Variants in SMAD2 observed in about 807,000 individuals in gnomAD.
SMAD2 encodes SMAD family member 2, also known as MAD homolog 2.
A neutral mutation model predicts 64.4 loss-of-function variants in SMAD2; 8 were observed. The ratio of observed to expected loss-of-function variants is 0.12; its 90% CI spans 0.07 to 0.22. The LOEUF is 0.22. SMAD2 is among the 10% of genes least tolerant of loss of function. SMAD2 has a pLI of 1.00. For synonymous variants in SMAD2, 203 were observed against 195.8 expected, an observed-to-expected ratio of 1.04 and a Z score of -0.31; for missense variants, 289 against 561.2, an observed-to-expected ratio of 0.51 and a Z score of 4.90.
chr18:47,915,843 A>G (rs1420832903), intron 1 of SMAD2, among the ~76,000 whole-genome samples: 1 of 152,138 alleles, frequency 6.6e-6, no homozygotes, highest in Admixed American at 6.5e-5. Flanking sequence ...GCAACTACTG[A>G]CTTCTATTAC....
chr18:47,841,012 G>T lies in SMAD2; in HGVS notation c.*815C>A, dbSNP rs935683120. On this transcript the variant is annotated 3_prime_UTR_variant, in exon 11 of 11. Transcript: ENST00000262160. The stretch of plus-strand genomic sequence containing the variant: ...TGTATCCCAGAATTAACTGGTGCCA[G>T]CAGTATCAATGCAACTATTACTGGT... 4 of 232,472 alleles carry T rather than the reference G, an allele frequency of 1.7e-5. No homozygotes were observed. The highest frequency in any genetic ancestry group is 1.3e-3 in the Middle Eastern group (1 of 782). The allele number at this position is 232,472 out of a possible 1,614,324, so 14.4% of individuals were successfully genotyped here.
rs560729239 is a variant in SMAD2, at chr18:47,839,340, T to C, written c.*2487A>G. The C allele has an allele frequency of 2.2e-3, 513 of 233,256 alleles. 3 individuals carry two copies. Among genetic ancestry groups the C allele is most frequent in the Non-Finnish European group, 2.9e-3 (339 of 118,030 alleles). 14.4% of individuals were successfully genotyped at this position (233,256 alleles called of 1,614,324 possible). Reference sequence around the variant, plus strand: ...GAGTTGTTTTCTGCCCCTACAACTGTTCCCTAACACCATTACAAGTTCTCA... The same window carrying C: ...GAGTTGTTTTCTGCCCCTACAACTGCTCCCTAACACCATTACAAGTTCTCA... On this transcript the variant is annotated 3_prime_UTR_variant, in exon 11 of 11. Transcript: ENST00000262160.
intron 6 of SMAD2, among the ~76,000 whole-genome samples, chr18:47,854,703 A>G (rs1034833869): frequency 1.3e-5 from 2 of 152,146 alleles, no homozygotes; most frequent in African/African-American, 4.8e-5. Flanking sequence ...TAATTTAAAA[A>G]AGACTTTTTT....
intron 1 of SMAD2, chr18:47,930,143 C>T (rs912808465): frequency 3.3e-5 from 5 of 152,352 alleles, no homozygotes; most frequent in Non-Finnish European, 7.3e-5. Flanking sequence ...CAGCCCCCGC[C>T]CCCGTCAGCC....
chr18:47,860,028 G>A (rs903181331), intron 6 of SMAD2, among the ~76,000 whole-genome samples: 17 of 152,086 alleles, frequency 1.1e-4, no homozygotes, highest in Admixed American at 2.0e-4. Flanking sequence ...CCAGCTTCTC[G>A]AGAGGCTAAA....
intron 1 of SMAD2, among the ~76,000 whole-genome samples, chr18:47,898,109 AAAT>A (rs1369122697): frequency 1.9e-4 from 29 of 152,310 alleles, no homozygotes; most frequent in African/African-American, 6.0e-4. Context: ...GTACAAGTTA[AAAT>A]AATAATAAGG....
chr18:47,846,602 G>A lies in SMAD2; in HGVS notation c.998-802C>T, dbSNP rs529142157. 7.2e-5 allele frequency among the ~76,000 whole-genome samples: 11 copies of A among 152,260 alleles called. No homozygotes were observed. The South Asian group carries it at 1.0e-3, about 14-fold the overall frequency. On this transcript the variant is annotated intron_variant, in intron 8 of 10. Coordinates refer to ENST00000262160, the MANE Select transcript of SMAD2 (RefSeq NM_005901.6). ...AAAGCATGAAAGGTATTCAACACAA[G>A]AGACATTCTCCATTGCTGACTTTGA...
chr18:47,851,497 C>T (rs1433399659), intron 6 of SMAD2, among the ~76,000 whole-genome samples, 170 bp from the exon 7 acceptor site: 12 of 117,468 alleles, frequency 1.0e-4, no homozygotes, highest in East Asian at 7.7e-4. Context: ...TGTGGGGGGT[C>T]GGGGGAAGAG....
At chr18:47,854,845 A>G (rs2030523170) in intron 6 of SMAD2, among the ~76,000 whole-genome samples, 1 of 152,102 alleles carries the variant, frequency 6.6e-6, no homozygotes, top group Non-Finnish European at 1.5e-5. Flanking sequence ...ATAATAATGA[A>G]CCTACACTGA....
intron 6 of SMAD2, among the ~76,000 whole-genome samples, chr18:47,854,364 A>T (rs2030457006): frequency 6.6e-6 from 1 of 152,232 alleles, no homozygotes; most frequent in Non-Finnish European, 1.5e-5. Flanking sequence ...AAATGTGTTA[A>T]ACTTTTATAA....
rs1913958943 is a variant in SMAD2, at chr18:47,841,583, C to T, written c.*244G>A. ...ACACTCAGTTTTATGCCCAATAAGA[C>T]ATCATTAAGTCTTTAAAATCTTCTC... On this transcript the variant is annotated 3_prime_UTR_variant, in exon 11 of 11. Coordinates refer to ENST00000262160, the MANE Select transcript of SMAD2 (RefSeq NM_005901.6). 2 of 537,014 alleles carry T rather than the reference C, an allele frequency of 3.7e-6. No individual in the cohort carries two copies. Among genetic ancestry groups the T allele is most frequent in the South Asian group, 4.1e-5 (2 of 48,988 alleles). The allele number at this position is 537,014 out of a possible 1,614,324, so 33.3% of individuals were successfully genotyped here. A position where few individuals can be genotyped will look rare whatever the true frequency, so the allele number is the denominator to read the frequency against.
Position 47,813,589 on chromosome 18 carries a change from G to A in SMAD2, c.*28238C>T, listed in dbSNP as rs1337761828. 2 of 151,652 alleles carry A rather than the reference G, an allele frequency of 1.3e-5. No homozygotes were observed. Among genetic ancestry groups the A allele is most frequent in the African/African-American group, 4.9e-5 (2 of 41,192 alleles). The allele number at this position is 151,652 out of a possible 1,614,324, so 9.4% of individuals were successfully genotyped here. ...ACCCGGCTAATTTTCTGCATTTTTA[G>A]TACAGATGGGGTTTCACTATGTTGG... On this transcript the variant is annotated 3_prime_UTR_variant, in exon 11 of 11. Coordinates refer to ENST00000262160, the MANE Select transcript of SMAD2 (RefSeq NM_005901.6).
Position 47,869,430 on chromosome 18 carries a change from A to G in SMAD2, c.333T>C (p.Leu111=). ...GATGGGATACCTGGAGACGACCATC[A>G]AGAGACCTGTTGGGAAGCAAGGGGA... ...LYSFSEQTRS[L]DGRLQVSHRK... The change falls in exon 4 of 11, where the codon CTT becomes CTC. Residue 111 remains leucine (L), a synonymous_variant. Transcript: ENST00000262160. 1 of 1,612,626 alleles carries G rather than the reference A, an allele frequency of 6.2e-7. No individual in the cohort carries two copies. Among genetic ancestry groups the G allele is most frequent in the South Asian group, 1.1e-5 (1 of 90,952 alleles).
At chr18:47,854,657 A>T (rs1331679613) in intron 6 of SMAD2, among the ~76,000 whole-genome samples, 1 of 151,998 alleles carries the variant, frequency 6.6e-6, no homozygotes, top group Non-Finnish European at 1.5e-5. Flanking sequence ...TTTAAAAAAA[A>T]TCTGTTATAT....
At chr18:47,905,452 T>A (rs1309848552) in intron 1 of SMAD2, among the ~76,000 whole-genome samples, 8 of 150,978 alleles carry the variant, frequency 5.3e-5, no homozygotes, top group African/African-American at 1.9e-4. Context: ...AAAATTCATA[T>A]GGAAACAAAA....
intron 7 of SMAD2, 98 bp from the exon 8 acceptor site, chr18:47,848,785 G>A: frequency 1.2e-6 from 1 of 863,014 alleles, no homozygotes; most frequent in Non-Finnish European, 1.8e-6. Flanking sequence ...CATGCTCTAT[G>A]CCAGCCTGCA....
chr18:47,910,261 G>C (rs922635758), intron 1 of SMAD2, among the ~76,000 whole-genome samples: 1 of 151,974 alleles, frequency 6.6e-6, no homozygotes, highest in African/African-American at 2.4e-5. Context: ...ACACATCAGA[G>C]GAATTAACAG....
In SMAD2 at chr18:47,859,033, G is replaced by A. The variant is rs187346940; in HGVS notation, c.730+6026C>T. Among the ~76,000 whole-genome samples the A allele has an allele frequency of 2.7e-3, 416 of 152,130 alleles. 3 individuals are homozygous for A. The highest frequency in any genetic ancestry group is 9.6e-3 in the African/African-American group (398 of 41,526). On this transcript the variant is annotated intron_variant, in intron 6 of 10. Transcript: ENST00000262160. ...AACACACCATAAATATAAAGATTCG[G>A]ATAGACTGAAACAATTAAAAATATA...
At chr18:47,877,395 T>C (rs2032326903) in intron 2 of SMAD2, among the ~76,000 whole-genome samples, 1 of 152,146 alleles carries the variant, frequency 6.6e-6, no homozygotes, top group Non-Finnish European at 1.5e-5. Context: ...AATAATCCTT[T>C]CATTTTTATA....
Sources: allele counts gnomAD v4.1 joint callset (sites outside exome capture counted in the v4.1 genomes callset), GRCh38; gene constraint gnomAD v4.1.1; transcripts MANE v1.5; gene names NCBI Gene and HGNC (gene_info 2026-07-23, HGNC 2026-07-21).